PLD5: variants seen among roughly 807,000 people sequenced by gnomAD.
PLD5 encodes phospholipase D family member 5.
Under a neutral mutation model 61.1 loss-of-function variants are expected in PLD5, and 36 were observed. That is an observed-to-expected ratio of 0.59 (90% CI 0.45 to 0.78). PLD5 has a LOEUF of 0.78. PLD5 is among the 30% of genes least tolerant of loss of function. The pLI is 0.00. For missense variants in PLD5, 515 were observed against 644.4 expected (o/e 0.80, Z 2.17); for synonymous variants, 243 against 242.8 (o/e 1.00, Z -0.01).
intron 1 of PLD5, among the ~76,000 whole-genome samples, chr1:242,399,394 A>G (rs1663794755): frequency 6.6e-6 from 1 of 152,222 alleles, no homozygotes; most frequent in African/African-American, 2.4e-5. Flanking sequence ...TCACTTTTCT[A>G]TGTCTTGGGA....
At chr1:242,096,323 C>T (rs192689777) in intron 9 of PLD5, among the ~76,000 whole-genome samples, 1 of 151,184 alleles carries the variant, frequency 6.6e-6, no homozygotes, top group East Asian at 2.0e-4. Context: ...ATCGATCTCT[C>T]TCTCTCTCTT....
At chr1:242,452,407 G>A (rs1264250592) in intron 1 of PLD5, among the ~76,000 whole-genome samples, 1 of 152,090 alleles carries the variant, frequency 6.6e-6, no homozygotes, top group African/African-American at 2.4e-5. Flanking sequence ...TCACCTCACT[G>A]ATACCTGGCC....
At chr1:242,415,350 C>T (rs1350910341) in intron 1 of PLD5, among the ~76,000 whole-genome samples, 3 of 152,154 alleles carry the variant, frequency 2.0e-5, no homozygotes, top group Non-Finnish European at 2.9e-5. Flanking sequence ...AACCCATCAG[C>T]AGAGGAGAGT....
intron 1 of PLD5, among the ~76,000 whole-genome samples, chr1:242,462,559 A>G (rs760248977): frequency 6.6e-6 from 1 of 151,834 alleles, no homozygotes; most frequent in East Asian, 1.9e-4. Flanking sequence ...TCAGCATCCC[A>G]TGTAAAAAAT....
At chr1:242,330,949 T>C (rs73126303) in intron 2 of PLD5, among the ~76,000 whole-genome samples, 2,958 of 152,296 alleles carry the variant, frequency 0.019, 97 homozygotes, top group African/African-American at 0.067. Context: ...ATTTGAAAGC[T>C]TCTCCTCCCC....
chr1:242,183,827 G>A (rs1290087021), intron 5 of PLD5, among the ~76,000 whole-genome samples: 2 of 152,236 alleles, frequency 1.3e-5, no homozygotes, highest in East Asian at 1.9e-4. Flanking sequence ...CCCGGGAGGC[G>A]GAGCTCGCAG....
At chr1:242,456,885 T>C (rs1310273064) in intron 1 of PLD5, among the ~76,000 whole-genome samples, 1 of 152,080 alleles carries the variant, frequency 6.6e-6, no homozygotes, top group East Asian at 1.9e-4. Flanking sequence ...ACTGCGTCCG[T>C]AACACTATTT....
chr1:242,112,336 T>TA (rs1558233072), intron 7 of PLD5, among the ~76,000 whole-genome samples: 2,047 of 40,542 alleles, frequency 0.05, 68 homozygotes, highest in African/African-American at 0.22. Flanking sequence ...TGTATGTATA[T>TA]GTGTATATAT....
At chr1:242,094,626 G>A (rs1194646953) in intron 9 of PLD5, among the ~76,000 whole-genome samples, 1 of 151,940 alleles carries the variant, frequency 6.6e-6, no homozygotes, top group Non-Finnish European at 1.5e-5. Context: ...TTAACATTTT[G>A]CTAAAATATT....
chr1:242,156,775 G>A (rs911315779), intron 5 of PLD5, among the ~76,000 whole-genome samples: 1 of 152,122 alleles, frequency 6.6e-6, no homozygotes, highest in Non-Finnish European at 1.5e-5. Context: ...CTCTCTGGCT[G>A]CCCTTAACAT....
intron 1 of PLD5, among the ~76,000 whole-genome samples, chr1:242,351,542 T>G (rs987780928): frequency 6.6e-6 from 1 of 152,162 alleles, no homozygotes; most frequent in Non-Finnish European, 1.5e-5. Flanking sequence ...CCTGCCCCCA[T>G]GTAAGATGTG....
Position 242,327,209 on chromosome 1 carries a change from G to T in PLD5, c.326+20897C>A, listed in dbSNP as rs1658854541. 5.3e-5 allele frequency among the ~76,000 whole-genome samples: 8 copies of T among 151,952 alleles called. No homozygotes were observed. In the South Asian group the frequency reaches 1.0e-3, roughly 20 times the overall value. The stretch of plus-strand genomic sequence containing the variant: ...GTTTGTAGAAACGGGGTCTCACTAT[G>T]TTGCCCAGGCTGGTCTTGAACAGCT... On this transcript the variant is annotated intron_variant, in intron 2 of 9. Coordinates refer to ENST00000536534, the MANE Select transcript of PLD5 (RefSeq NM_001372062.1).
chr1:242,089,747 G>T lies in PLD5; in HGVS notation c.*107C>A. The T allele has an allele frequency of 1.4e-6, 2 of 1,384,018 alleles. No individual in the cohort carries two copies. Among genetic ancestry groups the T allele is most frequent in the Non-Finnish European group, 2.0e-6 (2 of 999,272 alleles). 85.7% of individuals were successfully genotyped at this position (1,384,018 alleles called of 1,614,324 possible). On this transcript the variant is annotated 3_prime_UTR_variant, in exon 10 of 10. Coordinates refer to ENST00000536534, the MANE Select transcript of PLD5 (RefSeq NM_001372062.1). ...TGTTCAGAGAATATTTTTTATAAGT[G>T]TGCTTTTTCCCTAAAAAAAGAGACA... is the stretch of plus-strand genomic sequence containing the variant.
chr1:242,316,510 C>A (rs1304086449), intron 2 of PLD5, among the ~76,000 whole-genome samples: 3 of 151,786 alleles, frequency 2.0e-5, no homozygotes, highest in Non-Finnish European at 4.4e-5. Flanking sequence ...TCATTTTATG[C>A]CTTGTAATCA....
At chr1:242,093,615 G>T (rs1456526875) in intron 9 of PLD5, among the ~76,000 whole-genome samples, 1 of 152,058 alleles carries the variant, frequency 6.6e-6, no homozygotes, top group Non-Finnish European at 1.5e-5. Flanking sequence ...TGACCCCGGG[G>T]TCCACCCTTT....
chr1:242,312,480 C>T (rs1676758951), intron 2 of PLD5, among the ~76,000 whole-genome samples: 1 of 152,066 alleles, frequency 6.6e-6, no homozygotes, highest in South Asian at 2.1e-4. Context: ...GCCTTTGCTT[C>T]TTCTTGGGGT....
At chr1:242,377,093 T>A (rs1295910670) in intron 1 of PLD5, 3 of 1,611,780 alleles carry the variant, frequency 1.9e-6, no homozygotes, top group Admixed American at 1.7e-5. Flanking sequence ...TGTTCTCCTG[T>A]TGGTTATCTT....
At chr1:242,185,101 T>A (rs1667786058) in intron 5 of PLD5, among the ~76,000 whole-genome samples, 2 of 152,212 alleles carry the variant, frequency 1.3e-5, no homozygotes, top group Non-Finnish European at 2.9e-5. Flanking sequence ...TGGCTGCCTA[T>A]GTTTATGGCA....
At chr1:242,439,351 G>T (rs976116147) in intron 1 of PLD5, among the ~76,000 whole-genome samples, 2 of 152,114 alleles carry the variant, frequency 1.3e-5, no homozygotes, top group African/African-American at 2.4e-5. Flanking sequence ...GCCATTCAGG[G>T]TTTCCCATTC....
Sources: allele counts gnomAD v4.1 joint callset (sites outside exome capture counted in the v4.1 genomes callset), GRCh38; gene constraint gnomAD v4.1.1; transcripts MANE v1.5; gene names NCBI Gene and HGNC (gene_info 2026-07-23, HGNC 2026-07-21).